The following ABCA6 variants were observed in gnomAD, a reference collection of about 807,000 sequenced individuals.
The protein encoded by ABCA6 is ATP binding cassette subfamily A member 6, also known as ATP-binding cassette sub-family A member 6.
ABCA6 carries 164 observed loss-of-function variants against 191.2 expected under a neutral mutation model. The ratio of observed to expected loss-of-function variants is 0.86; its 90% CI spans 0.76 to 0.98. The LOEUF is 0.98. ABCA6 is among the 50% of genes least tolerant of loss of function. The pLI is 0.00. For missense variants in ABCA6, 1,958 were observed against 1,894.1 expected (o/e 1.03, Z -0.63); for synonymous variants, 636 against 647.7 (o/e 0.98, Z 0.27).
chr17:69,139,790 C>G (rs998150437), intron 2 of ABCA6, among the ~76,000 whole-genome samples: 1 of 151,950 alleles, frequency 6.6e-6, no homozygotes, highest in Admixed American at 6.6e-5. Flanking sequence ...AGTTCATGTC[C>G]TTTGTAGGGA....
intron 25 of ABCA6, among the ~76,000 whole-genome samples, chr17:69,092,886 T>C (rs2072957456): frequency 6.6e-6 from 1 of 152,230 alleles, no homozygotes; most frequent in South Asian, 2.1e-4. Flanking sequence ...TCTCACAACA[T>C]ATATTTTCAA....
At position 69,086,631 on chromosome 17, in the gene ABCA6, G is replaced by A; in HGVS notation, c.3924C>T (p.Phe1308=). The stretch of plus-strand genomic sequence containing the variant: ...ATTATTACAGACCTTCTTGAACACA[G>A]AAAGAGATATTTCTTGCTGCTATTT... ...KKKIAARNIS[F]CVQEGEILGL... The change falls in exon 30 of 39, where the codon TTC becomes TTT. Residue 1308 remains phenylalanine (F), a synonymous_variant. Coordinates refer to ENST00000284425, the MANE Select transcript of ABCA6 (RefSeq NM_080284.3). 6.2e-7 allele frequency: 1 copy of A among 1,609,708 alleles called. No homozygotes were observed. The highest frequency in any genetic ancestry group is 8.5e-7 in the Non-Finnish European group (1 of 1,176,558).
At position 69,096,256 on chromosome 17, in the gene ABCA6, G is replaced by T. The variant is rs762894146; in HGVS notation, c.3392C>A (p.Ser1131Ter). The T allele has an allele frequency of 2.7e-6, 4 of 1,486,828 alleles. No homozygotes were observed. In the South Asian group the frequency reaches 4.1e-5, roughly 15 times the overall value. 92.1% of individuals were successfully genotyped at this position (1,486,828 alleles called of 1,614,324 possible). ...RKRRKNSGLWSFYFFFASTIM... is the reference protein window; with the variant it reads ...RKRRKNSGLW ...TATACTTACAAAAAAGAAGTAAAAT[G>T]ACCAAAGGCCACTGTTTTTTCTCCT... Residue 1131 changes from serine to a stop codon, truncating the protein, a stop_gained, in exon 25 of 39, where the codon TCA becomes TAA. Transcript: ENST00000284425. LOFTEE classifies it high-confidence loss of function.
In ABCA6 at chr17:69,137,422, T is replaced by C; in HGVS notation, c.175A>G (p.Met59Val). 1 of 1,613,756 alleles carries C rather than the reference T, an allele frequency of 6.2e-7. No homozygotes were observed. Among genetic ancestry groups the C allele is most frequent in the Non-Finnish European group, 8.5e-7 (1 of 1,179,792 alleles). ...SSMRNVQFPG[M>V]APQNLGRVDK... The stretch of plus-strand genomic sequence containing the variant: ...ACCCTTCCCAGATTCTGAGGAGCCA[T>C]TCCAGGAAACTGGACATTTCTCATG... Residue 59 changes from methionine to valine, a missense_variant, in exon 3 of 39, where the codon ATG becomes GTG. Transcript: ENST00000284425.
chr17:69,129,285 G>GA (rs1016347364), intron 7 of ABCA6, among the ~76,000 whole-genome samples: 81 of 151,680 alleles, frequency 5.3e-4, no homozygotes, highest in Admixed American at 1.1e-3. Flanking sequence ...ACCCTTAAGG[G>GA]AAAAAAAATT....
intron 18 of ABCA6, 55 bp from the exon 19 acceptor site, chr17:69,106,266 A>T: frequency 6.8e-7 from 1 of 1,474,342 alleles, no homozygotes; most frequent in South Asian, 1.4e-5. Context: ...GCCATCCTGG[A>T]GGCATCACAG....
At position 69,087,412 on chromosome 17, in the gene ABCA6, C is replaced by T. The variant is rs1340686024; in HGVS notation, c.3760G>A (p.Asp1254Asn). ...NPEEPIDEDE[D>N]IQTERIRTAT... ...GTTCTTATTCTTTCTGTTTGAATATCTTCATCTTCATCTATGGGTTCTTCT... is the reference window on the plus strand; with the variant it reads ...GTTCTTATTCTTTCTGTTTGAATATTTTCATCTTCATCTATGGGTTCTTCT... Residue 1254 changes from aspartate to asparagine, a missense_variant, in exon 29 of 39, where the codon GAT (aspartate) becomes AAT (asparagine). By Grantham distance (23) the Asp-to-Asn change is conservative. Transcript: ENST00000284425. 6.2e-7 allele frequency: 1 copy of T among 1,613,864 alleles called. No individual in the cohort carries two copies. The highest frequency in any genetic ancestry group is 8.5e-7 in the Non-Finnish European group (1 of 1,179,828).
chr17:69,100,366 G>A (rs2144645355), intron 22 of ABCA6, among the ~76,000 whole-genome samples: 1 of 152,184 alleles, frequency 6.6e-6, no homozygotes, highest in East Asian at 1.9e-4. Flanking sequence ...TCAACAGATA[G>A]CCCCAGAACT....
intron 26 of ABCA6, among the ~76,000 whole-genome samples, 154 bp downstream of exon 26, chr17:69,090,989 C>T (rs563183288): frequency 7.2e-5 from 11 of 152,214 alleles, no homozygotes; most frequent in Non-Finnish European, 8.8e-5. Flanking sequence ...ACCACGATTC[C>T]CCTTTTGAAC....
chr17:69,101,007 G>T, intron 21 of ABCA6, 73 bp from the exon 22 acceptor site: 2 of 1,268,452 alleles, frequency 1.6e-6, no homozygotes, highest in Non-Finnish European at 2.2e-6. Flanking sequence ...ATGTATAAAA[G>T]ATCCTAACAG....
intron 30 of ABCA6, 143 bp from the exon 31 acceptor site, chr17:69,085,859 A>G (rs1047012514): frequency 3.3e-6 from 2 of 600,334 alleles, no homozygotes; most frequent in Non-Finnish European, 5.9e-6. Flanking sequence ...AATCCACGTC[A>G]CCAAAGCATG....
Position 69,123,241 on chromosome 17 carries a change from G to A in ABCA6, c.1434C>T (p.Ile478=). 6.8e-7 allele frequency: 1 copy of A among 1,470,052 alleles called. No homozygotes were observed. The highest frequency in any genetic ancestry group is 9.1e-7 in the Non-Finnish European group (1 of 1,097,676). 91.1% of individuals were successfully genotyped at this position (1,470,052 alleles called of 1,614,324 possible). A position where few individuals can be genotyped will look rare whatever the true frequency, so the allele number is the denominator to read the frequency against. The change falls in exon 10 of 39, where the codon ATC becomes ATT. Residue 478 remains isoleucine, a splice_region_variant and synonymous_variant. Coordinates refer to ENST00000284425, the MANE Select transcript of ABCA6 (RefSeq NM_080284.3). The stretch of plus-strand genomic sequence containing the variant: ...GTATTACTTATAAGTGTGATTACCT[G>A]ATGGCTTCTTTTCCTTGGAATTCAG... ...VAPEFQGKEA[I]RIRNVKKEYK... is the part of the protein sequence containing the mutation.
At chr17:69,083,971 A>G (rs2072706988) in intron 34 of ABCA6, among the ~76,000 whole-genome samples, 1 of 152,146 alleles carries the variant, frequency 6.6e-6, no homozygotes, top group Non-Finnish European at 1.5e-5. Context: ...AAAAGAAGAA[A>G]CAGTTATAGA....
In ABCA6 at chr17:69,113,704, T is replaced by C. The variant is rs772224487; in HGVS notation, c.1816A>G (p.Asn606Asp). 6.2e-6 allele frequency: 10 copies of C among 1,612,742 alleles called. No individual in the cohort carries two copies. In the South Asian group the frequency reaches 1.1e-4, roughly 18 times the overall value. The part of the protein sequence containing the change: ...QRILLELDMQ[N>D]IQDNLAKHLS... Reference sequence around the variant, plus strand: ...TGTTTAGCAAGGTTATCTTGAATGTTTTGCATGTCCAATTCCAATAATATT... The same window carrying C: ...TGTTTAGCAAGGTTATCTTGAATGTCTTGCATGTCCAATTCCAATAATATT... Residue 606 changes from asparagine to aspartate, a missense_variant, in exon 14 of 39, where the codon AAC becomes GAC. Transcript: ENST00000284425.
Position 69,078,835 on chromosome 17 carries a change from T to C in ABCA6, c.*138A>G. 1 of 528,422 alleles carries C rather than the reference T, an allele frequency of 1.9e-6. No homozygotes were observed. Among genetic ancestry groups the C allele is most frequent in the Non-Finnish European group, 3.2e-6 (1 of 314,666 alleles). The allele number at this position is 528,422 out of a possible 1,614,324, so 32.7% of individuals were successfully genotyped here. Reference sequence around the variant, plus strand: ...TTTGAGAGGAAGAATAATTTTAAAATTTATGTATTTGTTAACTAAATTTAC... The same window carrying C: ...TTTGAGAGGAAGAATAATTTTAAAACTTATGTATTTGTTAACTAAATTTAC... On this transcript the variant is annotated 3_prime_UTR_variant, in exon 39 of 39. Coordinates refer to ENST00000284425, the MANE Select transcript of ABCA6 (RefSeq NM_080284.3).
intron 6 of ABCA6, among the ~76,000 whole-genome samples, chr17:69,131,753 T>G (rs1400045539): frequency 6.6e-6 from 1 of 152,230 alleles, no homozygotes; most frequent in Non-Finnish European, 1.5e-5. Context: ...GAATTTATTT[T>G]GCTAAGTTTT....
At chr17:69,111,141 C>T in intron 16 of ABCA6, 3 of 434,966 alleles carry the variant, frequency 6.9e-6, no homozygotes, top group South Asian at 4.7e-5. Context: ...AAGCTCAGAA[C>T]AATTACAAAA....
intron 10 of ABCA6, among the ~76,000 whole-genome samples, chr17:69,120,405 T>C (rs1470795136): frequency 6.6e-6 from 1 of 152,058 alleles, no homozygotes; most frequent in Non-Finnish European, 1.5e-5. Flanking sequence ...TTAACACTTC[T>C]ATTGACTAAA....
chr17:69,138,412 T>G (rs1343864420), intron 2 of ABCA6, among the ~76,000 whole-genome samples: 2 of 152,176 alleles, frequency 1.3e-5, no homozygotes, highest in African/African-American at 2.4e-5. Flanking sequence ...TCCTAAGTAT[T>G]TTATTCTCTT....
Sources: gnomAD v4.1 joint callset for allele counts (sites outside exome capture counted in the v4.1 genomes callset) on GRCh38, gnomAD v4.1.1 for gene constraint, MANE v1.5 for transcripts, NCBI Gene and HGNC (gene_info 2026-07-23, HGNC 2026-07-21) for gene names.